Variants in LMTK2 observed in about 807,000 individuals in gnomAD.
LMTK2 encodes lemur tail kinase 2.
In LMTK2, 37 loss-of-function variants were observed where a neutral mutation model predicts 127.5. The ratio of observed to expected loss-of-function variants is 0.29; its 90% CI spans 0.22 to 0.38. The LOEUF is 0.38. LMTK2 is among the 10% of genes least tolerant of loss of function. The pLI, the probability that LMTK2 is intolerant of heterozygous loss-of-function variation, is 1.00. For synonymous variants in LMTK2, 819 were observed against 810.1 expected (o/e 1.01, Z -0.19); for missense variants, 1,694 against 1,920.3 (o/e 0.88, Z 2.20).
intron 11 of LMTK2, among the ~76,000 whole-genome samples, chr7:98,200,031 T>A: frequency 6.6e-6 from 1 of 152,342 alleles, no homozygotes; most frequent in South Asian, 2.1e-4. Context: ...TTTATTTCTA[T>A]TCTTCCTCTT....
chr7:98,113,680 ATC>A lies in LMTK2; in HGVS notation c.103+6404_103+6405del, dbSNP rs536033635. Among the ~76,000 whole-genome samples, 21 of 152,320 alleles carry A rather than the reference ATC, an allele frequency of 1.4e-4. No individual in the cohort carries two copies. The South Asian group carries it at 1.5e-3, about 11-fold the overall frequency. ...TTCTCGGAGGAGATGCTGGACAACC[ATC>A]TCTGATCTAGAAGACTGCTCCCTCT... is the stretch of plus-strand genomic sequence containing the variant. On this transcript the variant is annotated intron_variant, in intron 1 of 13. Coordinates refer to ENST00000297293, the MANE Select transcript of LMTK2 (RefSeq NM_014916.4).
intron 6 of LMTK2, among the ~76,000 whole-genome samples, chr7:98,161,113 T>C (rs1026436420): frequency 6.6e-6 from 1 of 152,216 alleles, no homozygotes; most frequent in Admixed American, 6.5e-5. Flanking sequence ...CTATTTGGTA[T>C]TCTTTTTTGT....
intron 3 of LMTK2, among the ~76,000 whole-genome samples, chr7:98,145,453 C>A (rs756743641): frequency 3.3e-4 from 50 of 152,056 alleles, no homozygotes; most frequent in Non-Finnish European, 3.1e-4. Context: ...TAAAATAATA[C>A]CTTTTTAAAA....
chr7:98,155,041 A>G (rs1796908572), intron 5 of LMTK2, among the ~76,000 whole-genome samples, 165 bp downstream of exon 5: 1 of 152,222 alleles, frequency 6.6e-6, no homozygotes, highest in Admixed American at 6.5e-5. Flanking sequence ...ATCACTTAGC[A>G]TTCCAAGAAC....
At chr7:98,181,646 T>G (rs1797357125) in intron 7 of LMTK2, among the ~76,000 whole-genome samples, 1 of 152,118 alleles carries the variant, frequency 6.6e-6, no homozygotes, top group Admixed American at 6.6e-5. Context: ...ATATATATGG[T>G]CAAATGATTT....
rs753188304 is a variant in LMTK2, at chr7:98,192,502, A to C, written c.2037A>C (p.Ser679=). 2.5e-6 allele frequency: 4 copies of C among 1,609,714 alleles called. No individual in the cohort carries two copies. Among genetic ancestry groups the C allele is most frequent in the Non-Finnish European group, 3.4e-6 (4 of 1,179,008 alleles). Residue 679 remains serine (S), a synonymous_variant, in exon 11 of 14, where the codon TCA becomes TCC. Coordinates refer to ENST00000297293, the MANE Select transcript of LMTK2 (RefSeq NM_014916.4). ...CCAGTTTGGATAACCCCAAAGAGTC[A>C]GTCATAACAGGCCACTTTGAGAAAG... ...LSSSLDNPKE[S]VITGHFEKEK... is the part of the protein sequence containing the mutation.
At chr7:98,203,399 G>T (rs746515281) in intron 11 of LMTK2, among the ~76,000 whole-genome samples, 175 bp from the exon 12 acceptor site, 9 of 152,228 alleles carry the variant, frequency 5.9e-5, no homozygotes, top group Non-Finnish European at 1.2e-4. Flanking sequence ...GCTGCAGGCA[G>T]AGGGAGAGAC....
intron 11 of LMTK2, among the ~76,000 whole-genome samples, chr7:98,198,117 A>T (rs1797655150): frequency 3.0e-5 from 4 of 134,752 alleles, no homozygotes; most frequent in South Asian, 2.4e-4. Context: ...TGTCTTTATT[A>T]TTTCCTTCCT....
chr7:98,185,483 T>G (rs560946331), intron 8 of LMTK2, among the ~76,000 whole-genome samples: 8 of 152,326 alleles, frequency 5.3e-5, no homozygotes, highest in Middle Eastern at 3.4e-3. Flanking sequence ...ATATAAATGT[T>G]TCTCCATTAC....
chr7:98,116,456 G>A (rs1256855730), intron 1 of LMTK2, among the ~76,000 whole-genome samples: 1 of 152,064 alleles, frequency 6.6e-6, no homozygotes, highest in Admixed American at 6.6e-5. Flanking sequence ...CCGCGTGTGT[G>A]TGTGTGAAGG....
At chr7:98,143,617 C>T (rs1796728799) in intron 3 of LMTK2, among the ~76,000 whole-genome samples, 1 of 152,124 alleles carries the variant, frequency 6.6e-6, no homozygotes, top group Non-Finnish European at 1.5e-5. Flanking sequence ...AGAAATGACA[C>T]CAGGTAGTGA....
intron 3 of LMTK2, among the ~76,000 whole-genome samples, chr7:98,143,410 T>C (rs936297911): frequency 1.3e-5 from 2 of 152,140 alleles, no homozygotes; most frequent in Non-Finnish European, 2.9e-5. Context: ...GCAAAAAATA[T>C]TTGTGAACTA....
rs1224619319 is a variant in LMTK2, at chr7:98,193,664, C to T, written c.3199C>T (p.Leu1067=). The T allele has an allele frequency of 1.2e-6, 2 of 1,613,724 alleles. No individual in the cohort carries two copies. The highest frequency in any genetic ancestry group is 2.7e-5 in the African/African-American group (2 of 74,916). ...CACGGGCGATGGCGGCCACAGCGGT[C>T]TGCCTCCCAACCCGGTCATTGTCAT... is the stretch of plus-strand genomic sequence containing the variant. The part of the protein sequence containing the change: ...ATTGDGGHSG[L]PPNPVIVISD... The change falls in exon 11 of 14, where the codon CTG becomes TTG. Residue 1067 remains leucine, a synonymous_variant. Coordinates refer to ENST00000297293, the MANE Select transcript of LMTK2 (RefSeq NM_014916.4). The surrounding 1 kb of genome is among the most constrained non-coding windows in gnomAD (Gnocchi z 4.1).
intron 8 of LMTK2, among the ~76,000 whole-genome samples, chr7:98,185,999 T>C (rs1366832149): frequency 6.6e-6 from 1 of 152,196 alleles, no homozygotes; most frequent in African/African-American, 2.4e-5. Flanking sequence ...ATAGTAGCTC[T>C]AGTGTCTCGA....
chr7:98,128,887 CA>C (rs1396281561), intron 1 of LMTK2, among the ~76,000 whole-genome samples: 2 of 152,128 alleles, frequency 1.3e-5, no homozygotes, highest in Non-Finnish European at 2.9e-5. Flanking sequence ...CTTAATAAAA[CA>C]CCTTAGTTAG....
intron 1 of LMTK2, among the ~76,000 whole-genome samples, chr7:98,120,074 A>G (rs1266974351): frequency 6.6e-6 from 1 of 152,218 alleles, no homozygotes; most frequent in East Asian, 1.9e-4. Flanking sequence ...AAGCTGCTAC[A>G]TTATAATGAT....
chr7:98,174,619 T>C (rs1797249482), intron 7 of LMTK2, among the ~76,000 whole-genome samples: 1 of 152,194 alleles, frequency 6.6e-6, no homozygotes, highest in Non-Finnish European at 1.5e-5. Flanking sequence ...GCGGCCTGCC[T>C]CCTCGCAGTG....
chr7:98,179,898 C>T (rs1401076467), intron 7 of LMTK2, among the ~76,000 whole-genome samples: 1 of 152,208 alleles, frequency 6.6e-6, no homozygotes, highest in African/African-American at 2.4e-5. Flanking sequence ...CCAAGTGTCA[C>T]TGCATCATCG....
At chr7:98,168,357 C>G (rs1247046739) in intron 6 of LMTK2, among the ~76,000 whole-genome samples, 1 of 152,224 alleles carries the variant, frequency 6.6e-6, no homozygotes, top group Non-Finnish European at 1.5e-5. Context: ...AAAAAATAGA[C>G]ACAGGCAGAG....
Sources: allele counts gnomAD v4.1 joint callset (sites outside exome capture counted in the v4.1 genomes callset), GRCh38; gene constraint gnomAD v4.1.1; non-coding constraint Gnocchi (gnomAD v3.1); transcripts MANE v1.5; gene names NCBI Gene and HGNC (gene_info 2026-07-23, HGNC 2026-07-21).